The following USH2A variants were observed in gnomAD, a reference collection of about 807,000 sequenced individuals.
USH2A encodes the protein usherin, also known as Usher syndrome 2A (autosomal recessive, mild).
Under a neutral mutation model 538.9 loss-of-function variants are expected in USH2A, and 443 were observed. The ratio of observed to expected loss-of-function variants is 0.82; its 90% CI spans 0.76 to 0.89. USH2A has a LOEUF of 0.89. USH2A is among the 40% of genes least tolerant of loss of function. USH2A has a pLI of 0.00. For missense variants in USH2A, 6,633 were observed against 6,324.8 expected, an observed-to-expected ratio of 1.05 and a Z score of -1.65; for synonymous variants, 2,413 against 2,273.5, an observed-to-expected ratio of 1.06 and a Z score of -1.75.
chr1:216,016,194 G>C (rs1252267597), intron 32 of USH2A, among the ~76,000 whole-genome samples: 2 of 151,792 alleles, frequency 1.3e-5, no homozygotes, highest in African/African-American at 4.8e-5. Flanking sequence ...GGCCTGCTGG[G>C]GGGTGGGCGG....
chr1:215,678,918 T>C (rs1399156997), intron 62 of USH2A, among the ~76,000 whole-genome samples: 2 of 152,254 alleles, frequency 1.3e-5, no homozygotes, highest in East Asian at 3.8e-4. Flanking sequence ...AAGCAGATGC[T>C]CTCATGACTC....
At chr1:215,688,035 G>A (rs1203017164) in intron 61 of USH2A, among the ~76,000 whole-genome samples, 1 of 152,114 alleles carries the variant, frequency 6.6e-6, no homozygotes, top group Admixed American at 6.5e-5. Flanking sequence ...GGAATAAGTA[G>A]GGTGGTGCAC....
chr1:215,877,816 G>A lies in USH2A; in HGVS notation c.8623C>T (p.Arg2875Trp), dbSNP rs765369576. Residue 2875 changes from arginine (R) to tryptophan (W), a missense_variant, in exon 43 of 72, where the codon CGG becomes TGG. Arg to Trp is a moderately radical substitution (Grantham distance 101). Transcript: ENST00000307340. ...LASNPPEDLN[R>W]WHNIYSGTQW... is the part of the protein sequence containing the mutation. The stretch of plus-strand genomic sequence containing the variant: ...GTTCCTGAATAAATATTGTGCCACC[G>A]ATTTAAATCTTCTGGGGGATTTGAT... The A allele has an allele frequency of 3.7e-6, 6 of 1,613,610 alleles. No homozygotes were observed. Among genetic ancestry groups the A allele is most frequent in the African/African-American group, 2.7e-5 (2 of 74,896 alleles).
chr1:216,396,632 T>C (rs1291095480), intron 3 of USH2A, among the ~76,000 whole-genome samples: 2 of 152,170 alleles, frequency 1.3e-5, no homozygotes, highest in African/African-American at 4.8e-5. Flanking sequence ...AATATCAAAC[T>C]ACATACACAA....
At chr1:215,984,142 G>C (rs532366563) in intron 35 of USH2A, among the ~76,000 whole-genome samples, 215 of 152,312 alleles carry the variant, frequency 1.4e-3, no homozygotes, top group Admixed American at 4.3e-3. Flanking sequence ...CAGCCTTACA[G>C]GGCACGGGGC....
intron 47 of USH2A, among the ~76,000 whole-genome samples, chr1:215,820,140 T>A (rs1386096935): frequency 2.0e-5 from 3 of 151,758 alleles, no homozygotes; most frequent in Admixed American, 6.6e-5. Flanking sequence ...GGTAGATTTG[T>A]TCATGAAATA....
chr1:215,625,621 T>C lies in USH2A; in HGVS notation c.*160A>G, dbSNP rs1655990841. ...AGAAAAATATCATTTCTTAGACCTC[T>C]ATTAGGAAGGAACACTTTCAAAAAC... is the stretch of plus-strand genomic sequence containing the variant. On this transcript the variant is annotated 3_prime_UTR_variant, in exon 72 of 72. Coordinates refer to ENST00000307340, the MANE Select transcript of USH2A (RefSeq NM_206933.4). 2 of 712,914 alleles carry C rather than the reference T, an allele frequency of 2.8e-6. No homozygotes were observed. The highest frequency in any genetic ancestry group is 5.1e-6 in the Non-Finnish European group (2 of 393,554). The allele number at this position is 712,914 out of a possible 1,614,324, so 44.2% of individuals were successfully genotyped here.
chr1:216,213,787 A>G (rs1170218275), intron 15 of USH2A, among the ~76,000 whole-genome samples: 1 of 152,070 alleles, frequency 6.6e-6, no homozygotes, highest in African/African-American at 2.4e-5. Flanking sequence ...CCAATAAAAA[A>G]AATGAAAAAC....
chr1:216,005,922 G>A (rs570230424), intron 32 of USH2A, among the ~76,000 whole-genome samples: 3 of 151,706 alleles, frequency 2.0e-5, no homozygotes, highest in African/African-American at 7.3e-5. Context: ...ATCATAGATG[G>A]AGAAAAAATA....
intron 30 of USH2A, among the ~76,000 whole-genome samples, chr1:216,058,907 C>T (rs568576107): frequency 6.6e-6 from 1 of 152,126 alleles, no homozygotes; most frequent in Non-Finnish European, 1.5e-5. Context: ...GTGAACGAGG[C>T]TTAAAATAAA....
At chr1:215,973,690 G>A (rs1428409853) in intron 35 of USH2A, among the ~76,000 whole-genome samples, 1 of 134,200 alleles carries the variant, frequency 7.5e-6, no homozygotes, top group Non-Finnish European at 1.5e-5. Context: ...TCTGACTCTA[G>A]TAAGTCAACC....
At chr1:216,113,672 T>A (rs80252022) in intron 21 of USH2A, among the ~76,000 whole-genome samples, 3,781 of 152,132 alleles carry the variant, frequency 0.025, 173 homozygotes, top group African/African-American at 0.084. Flanking sequence ...TGTCTGTCAC[T>A]TGTTAAAGTC....
At chr1:216,127,313 G>A (rs575241524) in intron 21 of USH2A, among the ~76,000 whole-genome samples, 1 of 152,140 alleles carries the variant, frequency 6.6e-6, no homozygotes, top group African/African-American at 2.4e-5. Context: ...CAGAGGAATG[G>A]TGTTTCCTTT....
intron 64 of USH2A, among the ~76,000 whole-genome samples, chr1:215,667,080 A>G (rs1657628069): frequency 6.6e-6 from 1 of 151,916 alleles, no homozygotes; most frequent in Non-Finnish European, 1.5e-5. Context: ...ACAGAGTGAC[A>G]TGCCATCTCA....
At chr1:216,328,864 T>C (rs2037789968) in intron 4 of USH2A, among the ~76,000 whole-genome samples, 1 of 151,986 alleles carries the variant, frequency 6.6e-6, no homozygotes, top group South Asian at 2.1e-4. Flanking sequence ...TTACATGTTA[T>C]ATTTATATTA....
chr1:215,812,604 T>C (rs1159467222), intron 49 of USH2A, among the ~76,000 whole-genome samples: 2 of 152,206 alleles, frequency 1.3e-5, no homozygotes, highest in Non-Finnish European at 2.9e-5. Flanking sequence ...TATCTCAAAG[T>C]ATTCAGCTTT....
Position 215,934,640 on chromosome 1 carries a change from T to G in USH2A, c.7276A>C (p.Ile2426Leu), listed in dbSNP as rs141963096. 1.2e-6 allele frequency: 2 copies of G among 1,612,282 alleles called. No homozygotes were observed. The highest frequency in any genetic ancestry group is 2.7e-5 in the African/African-American group (2 of 74,838). ...NSQGSLITDP[I>L]TIAMPPGAPD... ...CCTCCTGGAGGCATTGCAATTGTTA[T>G]AGGATCAGTTATCAAGCTGCCTTGG... The change falls in exon 38 of 72, where the codon ATA becomes CTA. Residue 2426 changes from isoleucine to leucine, a missense_variant. By Grantham distance (5) the Ile-to-Leu change is conservative. Transcript: ENST00000307340.
intron 30 of USH2A, among the ~76,000 whole-genome samples, chr1:216,051,115 G>A (rs1461704187): frequency 6.6e-6 from 1 of 151,856 alleles, no homozygotes; most frequent in East Asian, 1.9e-4. Context: ...TCAAGATTGG[G>A]TTGTTGTCAA....
chr1:216,155,040 A>G (rs949910370), intron 21 of USH2A, among the ~76,000 whole-genome samples: 4 of 152,016 alleles, frequency 2.6e-5, no homozygotes, highest in Admixed American at 1.3e-4. Context: ...AGAGATTAGG[A>G]TGAAACTGAT....
Sources: allele counts gnomAD v4.1 joint callset (sites outside exome capture counted in the v4.1 genomes callset), GRCh38; gene constraint gnomAD v4.1.1; transcripts MANE v1.5; gene names NCBI Gene and HGNC (gene_info 2026-07-23, HGNC 2026-07-21).